LRPPRC: variants seen among roughly 807,000 people sequenced by gnomAD.
The protein encoded by LRPPRC is leucine rich pentatricopeptide repeat containing.
Under a neutral mutation model 180.3 loss-of-function variants are expected in LRPPRC, and 120 were observed. The observed-to-expected ratio is 0.67, with a 90% CI of 0.57 to 0.77. The LOEUF (loss-of-function observed/expected upper bound fraction) is 0.77, where lower values mean the gene tolerates loss of function less well. Among genes scored for constraint, LRPPRC ranks in the 30% least tolerant of loss-of-function variants. The pLI, the probability that LRPPRC is intolerant of heterozygous loss-of-function variation, is 0.00. For synonymous variants in LRPPRC, 723 were observed against 600.0 expected, an observed-to-expected ratio of 1.21 and a Z score of -3.00; for missense variants, 2,012 against 1,657.2, an observed-to-expected ratio of 1.21 and a Z score of -3.72.
intron 23 of LRPPRC, among the ~76,000 whole-genome samples, chr2:43,938,719 T>C (rs1025556820): frequency 6.6e-6 from 1 of 152,178 alleles, no homozygotes; most frequent in African/African-American, 2.4e-5. Context: ...GCATGTAAGT[T>C]TGCTGGACAG....
intron 37 of LRPPRC, among the ~76,000 whole-genome samples, chr2:43,889,321 A>T (rs1347971239): frequency 2.0e-5 from 3 of 148,958 alleles, no homozygotes; most frequent in Non-Finnish European, 4.5e-5. Flanking sequence ...TCTCAAAAAA[A>T]AAAAAAAAAA....
intron 13 of LRPPRC, chr2:43,959,128 A>T (rs1194074446): frequency 1.4e-6 from 1 of 690,822 alleles, no homozygotes; most frequent in Non-Finnish European, 2.7e-6. Flanking sequence ...GGATGATATG[A>T]TAAAAGGAAA....
chr2:43,935,745 C>T (rs1340397955), intron 23 of LRPPRC, among the ~76,000 whole-genome samples: 2 of 151,962 alleles, frequency 1.3e-5, no homozygotes, highest in Non-Finnish European at 2.9e-5. Flanking sequence ...TTCTCTCTTA[C>T]CATACTGAAA....
intron 22 of LRPPRC, among the ~76,000 whole-genome samples, chr2:43,944,255 G>C (rs1200816294): frequency 6.6e-6 from 1 of 152,018 alleles, no homozygotes. Flanking sequence ...TGGCTTGTCA[G>C]GAGGCCAGAT....
intron 13 of LRPPRC, among the ~76,000 whole-genome samples, chr2:43,959,688 T>G (rs1673259344): frequency 1.3e-5 from 2 of 152,072 alleles, no homozygotes; most frequent in South Asian, 4.1e-4. Context: ...GCGGATCACT[T>G]GTGGTCAGGA....
chr2:43,936,917 A>T (rs1672297411), intron 23 of LRPPRC, among the ~76,000 whole-genome samples: 1 of 152,218 alleles, frequency 6.6e-6, no homozygotes, highest in South Asian at 2.1e-4. Context: ...CCCTTACTTC[A>T]GACACAGGTT....
At chr2:43,916,934 G>C (rs1382462755) in intron 29 of LRPPRC, among the ~76,000 whole-genome samples, 1 of 114,570 alleles carries the variant, frequency 8.7e-6, no homozygotes, top group South Asian at 3.1e-4. Flanking sequence ...GACAGAGTGA[G>C]ACCTGTCTCC....
chr2:43,905,761 C>A lies in LRPPRC; in HGVS notation c.3295G>T (p.Gly1099Cys), dbSNP rs759115541. ...VKAFAETHIKGFTLNDAANSR... is the reference protein window; with the variant it reads ...VKAFAETHIKCFTLNDAANSR... ...TTGGCAGCATCGTTCAGTGTGAAGC[C>A]CTTGATGTGGGTCTCCGCGCTAAAA... The change falls in exon 31 of 38, where the codon GGC becomes TGC. Residue 1099 changes from glycine (G) to cysteine (C), a missense_variant. Coordinates refer to ENST00000260665, the MANE Select transcript of LRPPRC (RefSeq NM_133259.4). 1.2e-6 allele frequency: 2 copies of A among 1,612,490 alleles called. No homozygotes were observed. The highest frequency in any genetic ancestry group is 1.7e-6 in the Non-Finnish European group (2 of 1,178,602).
chr2:43,990,372 C>T (rs1249277707), intron 1 of LRPPRC, among the ~76,000 whole-genome samples: 2 of 152,204 alleles, frequency 1.3e-5, no homozygotes, highest in Non-Finnish European at 2.9e-5. Context: ...TTTACTACCT[C>T]GTTGAAGGCC....
intron 1 of LRPPRC, among the ~76,000 whole-genome samples, chr2:43,988,701 G>A (rs1022634507): frequency 6.6e-6 from 1 of 151,932 alleles, no homozygotes; most frequent in Non-Finnish European, 1.5e-5. Flanking sequence ...ACCACGCCCA[G>A]CTAATTTTTT....
Position 43,901,379 on chromosome 2 carries a change from G to A in LRPPRC, c.3510C>T (p.Asp1170=), listed in dbSNP as rs1572896308. ...VVQKMLNGLE[D]SIGLSKMVFI... ...AAACCATTTTTGAAAGTCCAATGGA[G>A]TCTTCGAGTCCATTTAACATCTTCT... The change falls in exon 32 of 38, where the codon GAC becomes GAT. Residue 1170 remains aspartate (D), a synonymous_variant. Coordinates refer to ENST00000260665, the MANE Select transcript of LRPPRC (RefSeq NM_133259.4). 6.2e-7 allele frequency: 1 copy of A among 1,613,490 alleles called. No individual in the cohort carries two copies. The highest frequency in any genetic ancestry group is 8.5e-7 in the Non-Finnish European group (1 of 1,179,412).
At chr2:43,972,600 C>A (rs1673867728) in intron 11 of LRPPRC, among the ~76,000 whole-genome samples, 1 of 152,112 alleles carries the variant, frequency 6.6e-6, no homozygotes, top group Non-Finnish European at 1.5e-5. Context: ...GGAGGATATA[C>A]AAAGAGTTAA....
chr2:43,975,286 C>T (rs1674004387), intron 6 of LRPPRC, 69 bp from the exon 7 acceptor site: 2 of 1,342,178 alleles, frequency 1.5e-6, no homozygotes, highest in Non-Finnish European at 2.1e-6. Context: ...CAAACTAAAA[C>T]ATATGCTTAT....
Position 43,985,506 on chromosome 2 carries a change from C to T in LRPPRC, c.150-3072G>A, listed in dbSNP as rs368731289. Among the ~76,000 whole-genome samples, 9 of 152,230 alleles carry T rather than the reference C, an allele frequency of 5.9e-5. No individual in the cohort carries two copies. The East Asian group carries it at 9.7e-4, about 16-fold the overall frequency. On this transcript the variant is annotated intron_variant, in intron 1 of 37. Coordinates refer to ENST00000260665, the MANE Select transcript of LRPPRC (RefSeq NM_133259.4). ...CTCCTCATTCCTTCCACCCTCCTTCCGAACCCCTGGCAACCACTGATTTTT... is the reference window on the plus strand; with the variant it reads ...CTCCTCATTCCTTCCACCCTCCTTCTGAACCCCTGGCAACCACTGATTTTT...
At chr2:43,991,907 C>G (rs1448156949) in intron 1 of LRPPRC, among the ~76,000 whole-genome samples, 1 of 152,206 alleles carries the variant, frequency 6.6e-6, no homozygotes, top group Non-Finnish European at 1.5e-5. Context: ...TCCCTTCAAT[C>G]TCCTCCAGTT....
At position 43,988,737 on chromosome 2, in the gene LRPPRC, G is replaced by A. The variant is rs556231820; in HGVS notation, c.150-6303C>T. Among the ~76,000 whole-genome samples, 17 of 151,868 alleles carry A rather than the reference G, an allele frequency of 1.1e-4. No homozygotes were observed. In the South Asian group the frequency reaches 1.5e-3, roughly 13 times the overall value. On this transcript the variant is annotated intron_variant, in intron 1 of 37. Transcript: ENST00000260665. ...TGTTATTTTTTTCAGTAGAAACGGC[G>A]TTTCACCATGTTAGCCAGGATGGTC...
chr2:43,981,660 A>G (rs77826662), intron 2 of LRPPRC, among the ~76,000 whole-genome samples: 3 of 146,878 alleles, frequency 2.0e-5, no homozygotes, highest in Non-Finnish European at 4.5e-5. Flanking sequence ...ACTCCATCCC[A>G]AAAAAAAAAA....
chr2:43,943,644 C>T (rs762636344), intron 23 of LRPPRC, 43 bp downstream of exon 23: 1 of 1,507,614 alleles, frequency 6.6e-7, no homozygotes, highest in Non-Finnish European at 9.2e-7. Context: ...TAGACTCATT[C>T]TTTTAATGCC....
Position 43,899,615 on chromosome 2 carries a change from G to A in LRPPRC, c.3570-10C>T. 6.3e-7 allele frequency: 1 copy of A among 1,593,474 alleles called. No homozygotes were observed. The highest frequency in any genetic ancestry group is 8.6e-7 in the Non-Finnish European group (1 of 1,162,556). ...GGCATCTATGTTATTACTGTTAAAA[G>A]CAAAATAAATTACTTAAAAATTTGC... On this transcript the variant is annotated splice_polypyrimidine_tract_variant and intron_variant, in intron 32 of 37. Transcript: ENST00000260665.
Sources: gnomAD v4.1 joint callset for allele counts (sites outside exome capture counted in the v4.1 genomes callset) on GRCh38, gnomAD v4.1.1 for gene constraint, MANE v1.5 for transcripts, NCBI Gene and HGNC (gene_info 2026-07-23, HGNC 2026-07-21) for gene names.